Variants in FAM222B observed in about 807,000 individuals in gnomAD.
FAM222B encodes the protein family with sequence similarity 222 member B.
FAM222B carries 12 observed loss-of-function variants against 38.0 expected under a neutral mutation model. The observed-to-expected ratio is 0.32, with a 90% CI of 0.20 to 0.51. FAM222B has a LOEUF of 0.51. Among genes scored for constraint, FAM222B ranks in the 20% least tolerant of loss-of-function variants. The pLI is 0.97. For missense variants in FAM222B, 716 were observed against 754.2 expected, an observed-to-expected ratio of 0.95 and a Z score of 0.59; for synonymous variants, 329 against 317.2, an observed-to-expected ratio of 1.04 and a Z score of -0.40.
chr17:28,798,366 G>C (rs1318192627), intron 1 of FAM222B, among the ~76,000 whole-genome samples: 8 of 152,036 alleles, frequency 5.3e-5, no homozygotes, highest in Admixed American at 4.6e-4. Context: ...CGGGCAAACA[G>C]AGTAAGACCC....
chr17:28,759,423 G>A lies in FAM222B; in HGVS notation c.536C>T (p.Pro179Leu), dbSNP rs529852734. The A allele has an allele frequency of 3.0e-5, 47 of 1,587,794 alleles. No individual in the cohort carries two copies. The Middle Eastern group carries it at 1.7e-3, about 58-fold the overall frequency. Residue 179 changes from proline to leucine, a missense_variant, in exon 3 of 3, where the codon CCG (proline) becomes CTG (leucine). Coordinates refer to ENST00000581407, the MANE Select transcript of FAM222B (RefSeq NM_001077498.3). This position sits in a 1 kb window ranked among gnomAD's most constrained non-coding sequence, Gnocchi z 4.8. ...PQTLQHPQGI[P>L]PPQALSHPQS... is the part of the protein sequence containing the mutation. ...AGGGTGGGACAGTGCCTGGGGTGGC[G>A]GGATACCCTGAGGGTGCTGCAGCGT...
intron 1 of FAM222B, among the ~76,000 whole-genome samples, chr17:28,787,824 G>GTTTTTT (rs1354963705): frequency 8.2e-5 from 10 of 121,992 alleles, no homozygotes; most frequent in Admixed American, 1.6e-4. Context: ...TAATAAAGTA[G>GTTTTTT]TCTTTTTTTT....
chr17:28,798,838 C>T (rs1173820585), intron 1 of FAM222B, among the ~76,000 whole-genome samples: 2 of 152,100 alleles, frequency 1.3e-5, no homozygotes, highest in Non-Finnish European at 2.9e-5. Context: ...AGGATAGTCT[C>T]GATCTCCTGA....
At chr17:28,784,689 G>C (rs1279287023) in intron 1 of FAM222B, among the ~76,000 whole-genome samples, 3 of 151,842 alleles carry the variant, frequency 2.0e-5, no homozygotes, top group African/African-American at 7.3e-5. Context: ...AATTAGCTGG[G>C]CGTGGTGGCA....
intron 1 of FAM222B, among the ~76,000 whole-genome samples, chr17:28,839,511 T>C (rs1484541264): frequency 2.0e-5 from 3 of 152,174 alleles, no homozygotes; most frequent in Non-Finnish European, 1.5e-5. Context: ...ATAACATGGG[T>C]GGCATTTATG....
In FAM222B at chr17:28,759,081, G is replaced by A; in HGVS notation, c.878C>T (p.Ala293Val). The change falls in exon 3 of 3, where the codon GCC becomes GTC. Residue 293 changes from alanine to valine, a missense_variant. By Grantham distance (64) the Ala-to-Val change is moderately conservative. Coordinates refer to ENST00000581407, the MANE Select transcript of FAM222B (RefSeq NM_001077498.3). The surrounding 1 kb of genome is among the most constrained non-coding windows in gnomAD (Gnocchi z 4.8). Reference sequence around the variant, plus strand: ...ACTGCGACTAATGGGGCTGGGGTTGGCGATCTGGCCCTCACACACTGAGGT... The same window carrying A: ...ACTGCGACTAATGGGGCTGGGGTTGACGATCTGGCCCTCACACACTGAGGT... ...STTSVCEGQIANPSPISRSLL... is the reference protein window; with the variant it reads ...STTSVCEGQIVNPSPISRSLL... 6.2e-7 allele frequency: 1 copy of A among 1,611,870 alleles called. No homozygotes were observed.
chr17:28,819,168 A>C (rs903707000), intron 1 of FAM222B, among the ~76,000 whole-genome samples: 2 of 152,224 alleles, frequency 1.3e-5, no homozygotes, highest in Non-Finnish European at 2.9e-5. Flanking sequence ...TAATCAAGGC[A>C]AACAATAAAA....
At chr17:28,774,923 C>G (rs566853989) in intron 1 of FAM222B, among the ~76,000 whole-genome samples, 13 of 151,136 alleles carry the variant, frequency 8.6e-5, no homozygotes, top group African/African-American at 3.2e-4. Context: ...GCCAGGGTCA[C>G]AGGGCGAGAC....
chr17:28,816,170 G>A (rs534482565), intron 1 of FAM222B, among the ~76,000 whole-genome samples: 8 of 151,160 alleles, frequency 5.3e-5, no homozygotes, highest in South Asian at 4.2e-4. Context: ...CCAGCTACTC[G>A]GGAGGCTGGG....
chr17:28,787,667 G>C (rs913576309), intron 1 of FAM222B, among the ~76,000 whole-genome samples: 1 of 151,952 alleles, frequency 6.6e-6, no homozygotes, highest in Non-Finnish European at 1.5e-5. Context: ...TGCAATGCTG[G>C]GTCAATCTAC....
intron 1 of FAM222B, among the ~76,000 whole-genome samples, chr17:28,774,820 T>TA (rs1464163860): frequency 6.6e-6 from 1 of 151,670 alleles, no homozygotes; most frequent in Non-Finnish European, 1.5e-5. Flanking sequence ...CACACACCTG[T>TA]AATCCCAGCT....
chr17:28,804,193 G>C (rs1385838725), intron 1 of FAM222B, among the ~76,000 whole-genome samples: 1 of 151,736 alleles, frequency 6.6e-6, no homozygotes, highest in Non-Finnish European at 1.5e-5. Flanking sequence ...GTCTCAGACT[G>C]AATGACACCA....
At chr17:28,850,658 A>C (rs1323934586) in intron 1 of FAM222B, among the ~76,000 whole-genome samples, 1 of 152,020 alleles carries the variant, frequency 6.6e-6, no homozygotes, top group Non-Finnish European at 1.5e-5. Context: ...GAAACAGTTT[A>C]GTCTCGGGTA....
At chr17:28,806,166 T>C (rs1353885523) in intron 1 of FAM222B, among the ~76,000 whole-genome samples, 3 of 150,808 alleles carry the variant, frequency 2.0e-5, no homozygotes, top group Non-Finnish European at 3.0e-5. Flanking sequence ...AAAAAAAAAG[T>C]GTCCTTGAGA....
At chr17:28,770,571 ATTT>A (rs777229068) in intron 1 of FAM222B, among the ~76,000 whole-genome samples, 1 of 91,986 alleles carries the variant, frequency 1.1e-5, no homozygotes. Context: ...CCCAGCTAAT[ATTT>A]TTTTTTTTTT....
rs540157143 is a variant in FAM222B, at chr17:28,756,336, C to T, written c.*1934G>A. The T allele has an allele frequency of 2.6e-5, 4 of 152,640 alleles. No homozygotes were observed. Among genetic ancestry groups the T allele is most frequent in the African/African-American group, 9.6e-5 (4 of 41,502 alleles). The allele number at this position is 152,640 out of a possible 1,614,324, so 9.5% of individuals were successfully genotyped here. Reference sequence around the variant, plus strand: ...AGTGAGAGCTTCAGAGGCTTGCACCCCTACACAGGAAGAGATGGGTTTGAG... The same window carrying T: ...AGTGAGAGCTTCAGAGGCTTGCACCTCTACACAGGAAGAGATGGGTTTGAG... On this transcript the variant is annotated 3_prime_UTR_variant, in exon 3 of 3. Transcript: ENST00000581407.
intron 2 of FAM222B, among the ~76,000 whole-genome samples, chr17:28,766,115 A>G: frequency 6.6e-6 from 1 of 152,182 alleles, no homozygotes; most frequent in Non-Finnish European, 1.5e-5. Flanking sequence ...GAAAGCTATC[A>G]GCAACAATTA....
At chr17:28,765,955 A>G (rs1043942526) in intron 2 of FAM222B, among the ~76,000 whole-genome samples, 1 of 152,212 alleles carries the variant, frequency 6.6e-6, no homozygotes, top group South Asian at 2.1e-4. Flanking sequence ...ACAAGAGAAC[A>G]GCATAGTTTA....
intron 1 of FAM222B, among the ~76,000 whole-genome samples, chr17:28,786,140 TG>T (rs940167101): frequency 1.3e-5 from 2 of 152,170 alleles, no homozygotes; most frequent in Admixed American, 1.3e-4. Flanking sequence ...CCATAGGTTT[TG>T]TTTTTTTTTT....
Sources: allele counts gnomAD v4.1 joint callset (sites outside exome capture counted in the v4.1 genomes callset), GRCh38; gene constraint gnomAD v4.1.1; non-coding constraint Gnocchi (gnomAD v3.1); transcripts MANE v1.5; gene names NCBI Gene and HGNC (gene_info 2026-07-23, HGNC 2026-07-21).